Variants in KALRN observed in about 807,000 individuals in gnomAD.
The protein encoded by KALRN is kalirin RhoGEF kinase.
A neutral mutation model predicts 353.7 loss-of-function variants in KALRN; 70 were observed. The ratio of observed to expected loss-of-function variants is 0.20; its 90% CI spans 0.16 to 0.24. KALRN has a LOEUF of 0.24. Ranked by LOEUF, KALRN falls within the 10% of genes least tolerant of loss-of-function variation. The probability of loss-of-function intolerance (pLI) is 1.00; values close to 1 mark genes in which losing one functional copy is unlikely to be tolerated. For synonymous variants in KALRN, 1,391 were observed against 1,434.8 expected (o/e 0.97, Z 0.69); for missense variants, 2,791 against 3,756.7 (o/e 0.74, Z 6.72).
chr3:124,635,317 T>G (rs2081240822), intron 36 of KALRN, among the ~76,000 whole-genome samples: 1 of 152,216 alleles, frequency 6.6e-6, no homozygotes, highest in South Asian at 2.1e-4. Context: ...CACAGCCCTC[T>G]GTGCAAGGGC....
At chr3:124,307,942 A>C (rs946592150) in intron 6 of KALRN, among the ~76,000 whole-genome samples, 2 of 151,992 alleles carry the variant, frequency 1.3e-5, no homozygotes, top group Non-Finnish European at 2.9e-5. Flanking sequence ...CAAAGATATA[A>C]ATAGATGGAA....
intron 17 of KALRN, among the ~76,000 whole-genome samples, chr3:124,437,625 G>T (rs1451752780): frequency 7.1e-6 from 1 of 140,576 alleles, no homozygotes; most frequent in African/African-American, 2.6e-5. Context: ...GGGAGGCAGA[G>T]GTTGCATTGA....
intron 5 of KALRN, among the ~76,000 whole-genome samples, chr3:124,284,547 C>A (rs2075650256): frequency 6.6e-6 from 1 of 152,188 alleles, no homozygotes; most frequent in Non-Finnish European, 1.5e-5. Context: ...CTACTGTCAG[C>A]CCACAGTATA....
intron 1 of KALRN, among the ~76,000 whole-genome samples, chr3:124,122,664 T>C (rs773445876): frequency 1.1e-4 from 16 of 152,184 alleles, no homozygotes; most frequent in Non-Finnish European, 2.1e-4. Flanking sequence ...CCACAAACCA[T>C]GCCCATATAA....
chr3:124,611,815 T>C (rs889387751), intron 34 of KALRN, among the ~76,000 whole-genome samples: 5 of 152,184 alleles, frequency 3.3e-5, no homozygotes, highest in African/African-American at 1.2e-4. Context: ...AGAACTTCCT[T>C]CAGGAAGCTT....
chr3:124,057,759 T>C (rs16835038), intron 1 of KALRN, among the ~76,000 whole-genome samples: 11,398 of 152,182 alleles, frequency 0.075, 1,036 homozygotes, highest in East Asian at 0.41. Context: ...AGGCTCTGTA[T>C]TTCTGCTGCT....
intron 1 of KALRN, among the ~76,000 whole-genome samples, chr3:124,156,581 A>G (rs548397444): frequency 2.6e-5 from 4 of 152,282 alleles, no homozygotes; most frequent in East Asian, 3.9e-4. Context: ...TCCATGTCCT[A>G]TTAACCAGCA....
chr3:124,661,499 C>T lies in KALRN; in HGVS notation c.6268-352C>T, dbSNP rs569277684. ...TGAAAACCTCTAGTGTTTCACAAGC[C>T]AGGCTAAGCTGTTGCCTGGGCAGCC... is the stretch of plus-strand genomic sequence containing the variant. On this transcript the variant is annotated intron_variant, in intron 44 of 59. Transcript: ENST00000682506. Among the ~76,000 whole-genome samples the T allele has an allele frequency of 2.8e-4, 42 of 152,280 alleles. 1 individual carries two copies. The South Asian group carries it at 8.7e-3, about 32-fold the overall frequency.
chr3:124,448,401 A>C (rs1188261736), intron 21 of KALRN, among the ~76,000 whole-genome samples: 2 of 152,088 alleles, frequency 1.3e-5, no homozygotes, highest in African/African-American at 2.4e-5. Context: ...TGCCTTTAGG[A>C]TAATGCTCCA....
intron 10 of KALRN, among the ~76,000 whole-genome samples, chr3:124,384,297 G>A (rs924782462): frequency 6.6e-6 from 1 of 152,120 alleles, no homozygotes; most frequent in African/African-American, 2.4e-5. Flanking sequence ...CCTCCCTCTG[G>A]CTGTGGCCGC....
At chr3:124,426,201 G>T (rs565516030) in intron 15 of KALRN, among the ~76,000 whole-genome samples, 36 of 152,332 alleles carry the variant, frequency 2.4e-4, no homozygotes, top group Admixed American at 8.5e-4. Context: ...GAAGGCATTT[G>T]TGTTTGATGG....
At position 124,724,572 on chromosome 3, in the gene KALRN, T is replaced by C. The variant is rs982795127; in HGVS notation, c.*5102T>C. 2 of 152,210 alleles carry C rather than the reference T, an allele frequency of 1.3e-5. No homozygotes were observed. Among genetic ancestry groups the C allele is most frequent in the Admixed American group, 1.3e-4 (2 of 15,282 alleles). 9.4% of individuals were successfully genotyped at this position (152,210 alleles called of 1,614,324 possible). ...TCCATCAAGAAAAGGAAAGCTACTA[T>C]GTTAATATTTATTTTCTAAAAATAT... On this transcript the variant is annotated 3_prime_UTR_variant, in exon 60 of 60. Coordinates refer to ENST00000682506, the MANE Select transcript of KALRN (RefSeq NM_001388419.1).
At chr3:124,698,458 A>G (rs967415064) in intron 55 of KALRN, among the ~76,000 whole-genome samples, 2 of 152,170 alleles carry the variant, frequency 1.3e-5, no homozygotes, top group South Asian at 2.1e-4. Flanking sequence ...TTTGGCTAAG[A>G]TGATCCAAAC....
chr3:124,309,880 C>T (rs1034024439), intron 6 of KALRN, among the ~76,000 whole-genome samples: 1 of 152,114 alleles, frequency 6.6e-6, no homozygotes, highest in Non-Finnish European at 1.5e-5. Flanking sequence ...AACAAGACAA[C>T]GACACTCTTG....
At chr3:124,333,080 G>A (rs928074142) in intron 8 of KALRN, among the ~76,000 whole-genome samples, 6 of 152,316 alleles carry the variant, frequency 3.9e-5, no homozygotes, top group African/African-American at 1.4e-4. Flanking sequence ...TGGCAGTCAA[G>A]AGAGTGAGTG....
chr3:124,126,188 G>GTT (rs60763765), intron 1 of KALRN, among the ~76,000 whole-genome samples: 1 of 149,736 alleles, frequency 6.7e-6, no homozygotes, highest in African/African-American at 2.5e-5. Flanking sequence ...TAATGATTCT[G>GTT]TTTTTTTTTC....
chr3:124,149,917 G>C (rs4677917), intron 1 of KALRN, among the ~76,000 whole-genome samples: 1 of 151,810 alleles, frequency 6.6e-6, no homozygotes, highest in Non-Finnish European at 1.5e-5. Flanking sequence ...TGGTCTCTGT[G>C]GCCTCCTCTT....
chr3:124,565,824 A>G (rs906554489), intron 34 of KALRN, among the ~76,000 whole-genome samples: 2 of 152,226 alleles, frequency 1.3e-5, no homozygotes, highest in African/African-American at 4.8e-5. Flanking sequence ...GTCAGAGTCA[A>G]TCTGTGATCC....
intron 10 of KALRN, among the ~76,000 whole-genome samples, chr3:124,378,982 A>G (rs2086952653): frequency 6.6e-6 from 1 of 151,840 alleles, no homozygotes; most frequent in Non-Finnish European, 1.5e-5. Context: ...CTTGGTCATT[A>G]TATCTTTAGG....
Sources: allele counts gnomAD v4.1 joint callset (sites outside exome capture counted in the v4.1 genomes callset), GRCh38; gene constraint gnomAD v4.1.1; transcripts MANE v1.5; gene names NCBI Gene and HGNC (gene_info 2026-07-23, HGNC 2026-07-21).